CLEC4E: variants seen among roughly 807,000 people sequenced by gnomAD.
The protein encoded by CLEC4E is C-type lectin domain family 4 member E, also known as C-type (calcium dependent, carbohydrate-recognition domain) lectin, superfamily member 9.
CLEC4E carries 21 observed loss-of-function variants against 24.7 expected under a neutral mutation model. The ratio of observed to expected loss-of-function variants is 0.85; its 90% CI spans 0.60 to 1.22. The LOEUF (loss-of-function observed/expected upper bound fraction) is 1.22. Among genes scored for constraint, CLEC4E ranks in the 50% most tolerant of loss-of-function variants. The pLI is 0.00. For missense variants in CLEC4E, 249 were observed against 254.1 expected, an observed-to-expected ratio of 0.98 and a Z score of 0.14; for synonymous variants, 94 against 85.7, an observed-to-expected ratio of 1.10 and a Z score of -0.54.
chr12:8,537,843 T>G (rs1940636115), intron 3 of CLEC4E, among the ~76,000 whole-genome samples: 1 of 152,252 alleles, frequency 6.6e-6, no homozygotes, highest in African/African-American at 2.4e-5. Flanking sequence ...CAATTACTTT[T>G]TATTCCAATA....
chr12:8,536,990 G>C (rs747423657), intron 4 of CLEC4E, 125 bp downstream of exon 4: 3 of 825,352 alleles, frequency 3.6e-6, no homozygotes, highest in Non-Finnish European at 5.2e-6. Context: ...GAAATAGTAA[G>C]AACAGCATGC....
At chr12:8,537,032 G>T in intron 4 of CLEC4E, 83 bp downstream of exon 4, 1 of 1,227,870 alleles carries the variant, frequency 8.1e-7, no homozygotes, top group Non-Finnish European at 1.1e-6. Context: ...ATAGTCATTG[G>T]GGGTCAAGCA....
In CLEC4E at chr12:8,540,609, T is replaced by C. The variant is rs75645557; in HGVS notation, c.37+152A>G. On this transcript the variant is annotated intron_variant, in intron 1 of 5. Coordinates refer to ENST00000299663, the MANE Select transcript of CLEC4E (RefSeq NM_014358.4). ...CCAGCAGGCTTTCTGGTATAAGAAA[T>C]AGTCTTTAAATCTCTCTCTCTCTCT... 4,857 of 753,886 alleles carry C rather than the reference T, an allele frequency of 6.4e-3. 184 individuals carry two copies. The African/African-American group carries it at 0.077, about 12-fold the overall frequency. 46.7% of individuals were successfully genotyped at this position (753,886 alleles called of 1,614,324 possible).
chr12:8,534,953 GA>G, intron 5 of CLEC4E, 144 bp from the exon 6 acceptor site: 1 of 646,982 alleles, frequency 1.5e-6, no homozygotes, highest in Admixed American at 3.4e-5. Context: ...TATTGAAGAA[GA>G]AAAGGAACCT....
rs1940674725 is a variant in CLEC4E, at chr12:8,539,936, A to G, written c.49T>C (p.Phe17Leu). 6.2e-7 allele frequency: 1 copy of G among 1,601,212 alleles called. No individual in the cohort carries two copies. The change falls in exon 2 of 6, where the codon TTC (phenylalanine) becomes CTC (leucine). Residue 17 changes from phenylalanine to leucine, a missense_variant. Phe to Leu is a conservative substitution (Grantham distance 22, BLOSUM62 0). Transcript: ENST00000299663. ...GTCCATAAGAACATTTGGGAAGAGA[A>G]GCATCCTCTCTCTGTAGAAAGAAAG... Reference protein sequence around the residue: ...SETQCTERGCFSSQMFLWTVA... With the variant: ...SETQCTERGCLSSQMFLWTVA...
In CLEC4E at chr12:8,533,537, T is replaced by C. The variant is rs1940573263; in HGVS notation, c.*1101A>G. On this transcript the variant is annotated 3_prime_UTR_variant, in exon 6 of 6. Transcript: ENST00000299663. ...AGCAGCCTTAAAAAAGAAGATTATG[T>C]CTTTTGTGGGAACATCGGTAGAACT... 1 of 152,196 alleles carries C rather than the reference T, an allele frequency of 6.6e-6. No individual in the cohort carries two copies. The highest frequency in any genetic ancestry group is 2.1e-4 in the South Asian group (1 of 4,834). The allele number at this position is 152,196 out of a possible 1,614,324, so 9.4% of individuals were successfully genotyped here. A position where few individuals can be genotyped will look rare whatever the true frequency, so the allele number is the denominator to read the frequency against.
At chr12:8,540,393 T>C (rs1940681955) in intron 1 of CLEC4E, among the ~76,000 whole-genome samples, 1 of 152,156 alleles carries the variant, frequency 6.6e-6, no homozygotes, top group African/African-American at 2.4e-5. Context: ...TCTTTTTTTT[T>C]TTTCTGTGTC....
chr12:8,536,038 G>T, intron 5 of CLEC4E, 52 bp downstream of exon 5: 1 of 994,442 alleles, frequency 1.0e-6, no homozygotes, highest in Non-Finnish European at 1.6e-6. Context: ...CTGATCTATT[G>T]CAGGTAACAG....
At chr12:8,537,487 G>A (rs1197032061) in intron 3 of CLEC4E, among the ~76,000 whole-genome samples, 1 of 152,202 alleles carries the variant, frequency 6.6e-6, no homozygotes, top group Non-Finnish European at 1.5e-5. Context: ...CTGGATGTCA[G>A]TGCCAGGAAA....
intron 3 of CLEC4E, 22 bp from the exon 4 acceptor site, chr12:8,537,288 T>G: frequency 6.2e-7 from 1 of 1,608,894 alleles, no homozygotes; most frequent in Non-Finnish European, 8.5e-7. Flanking sequence ...GATGTTTCAG[T>G]GAGTGTCCCA....
Position 8,536,079 on chromosome 12 carries a change from A to C in CLEC4E, c.488+11T>G, listed in dbSNP as rs757455060. Reference sequence around the variant, plus strand: ...GGTTTCAAGAACTCCTCTCAATAGGAGGGTAATTACCTCAGAGACTTTGTC... The same window carrying C: ...GGTTTCAAGAACTCCTCTCAATAGGCGGGTAATTACCTCAGAGACTTTGTC... On this transcript the variant is annotated intron_variant, in intron 5 of 5. Transcript: ENST00000299663. The C allele has an allele frequency of 1.3e-6, 2 of 1,541,528 alleles. No individual in the cohort carries two copies. The highest frequency in any genetic ancestry group is 3.3e-5 in the Admixed American group (2 of 59,732).
At position 8,537,225 on chromosome 12, in the gene CLEC4E, G is replaced by T. The variant is rs774391906; in HGVS notation, c.262C>A (p.Gln88Lys). 42 of 1,613,666 alleles carry T rather than the reference G, an allele frequency of 2.6e-5. No individual in the cohort carries two copies. Among genetic ancestry groups the T allele is most frequent in the Non-Finnish European group, 3.6e-5 (42 of 1,179,754 alleles). ...GTAGAAAAGAAGTAGCAGCTGGATT[G>T]AAAATATTCCCAGTTCAATGGACAA... is the stretch of plus-strand genomic sequence containing the variant. ...NCCPLNWEYF[Q>K]SSCYFFSTDT... Residue 88 changes from glutamine to lysine, a missense_variant, in exon 4 of 6, where the codon CAA becomes AAA. Physicochemically the swap from Gln to Lys is moderately conservative, Grantham distance 53. Transcript: ENST00000299663.
At position 8,540,823 on chromosome 12, in the gene CLEC4E, TTCTC is replaced by T; in HGVS notation, c.-30_-27del. On this transcript the variant is annotated 5_prime_UTR_variant, in exon 1 of 6. Transcript: ENST00000299663. ...TTTTTCTCTCTCTTTGGTTTTTTGT[TTCTC>T]TCTCTCTCTTTTTCTCTCCCTCCCT... 5.4e-6 allele frequency: 7 copies of T among 1,286,624 alleles called. No homozygotes were observed. Among genetic ancestry groups the T allele is most frequent in the Non-Finnish European group, 7.9e-6 (7 of 891,466 alleles). The allele number at this position is 1,286,624 out of a possible 1,614,324, so 79.7% of individuals were successfully genotyped here. A position where few individuals can be genotyped will look rare whatever the true frequency, so the allele number is the denominator to read the frequency against.
At chr12:8,535,984 A>G in intron 5 of CLEC4E, 106 bp downstream of exon 5, 1 of 622,800 alleles carries the variant, frequency 1.6e-6, no homozygotes, top group South Asian at 1.9e-5. Context: ...TTTCTACCTT[A>G]GCTCTTCTCT....
At chr12:8,540,120 A>G (rs770346937) in intron 1 of CLEC4E, among the ~76,000 whole-genome samples, 173 bp from the exon 2 acceptor site, 1 of 152,260 alleles carries the variant, frequency 6.6e-6, no homozygotes, top group African/African-American at 2.4e-5. Context: ...GGAAACACAG[A>G]TTGCTGACCC....
intron 1 of CLEC4E, among the ~76,000 whole-genome samples, chr12:8,540,512 A>T (rs1940684458): frequency 6.6e-6 from 1 of 152,108 alleles, no homozygotes; most frequent in Admixed American, 6.6e-5. Context: ...CAGAGAAGTG[A>T]AGTGACTTGC....
chr12:8,537,008 T>A, intron 4 of CLEC4E, 107 bp downstream of exon 4: 1 of 972,582 alleles, frequency 1.0e-6, no homozygotes, highest in Non-Finnish European at 1.4e-6. Context: ...TGCATTTTAG[T>A]ACATTCATTA....
rs2136402433 is a variant in CLEC4E at position 8,540,835 on chromosome 12, C to CTCTT, written c.-39_-38insAAGA. The CTCTT allele has an allele frequency of 1.1e-5, 15 of 1,323,400 alleles. No individual in the cohort carries two copies. Among genetic ancestry groups the CTCTT allele is most frequent in the African/African-American group, 1.4e-5 (1 of 69,128 alleles). The allele number at this position is 1,323,400 out of a possible 1,614,324, so 82.0% of individuals were successfully genotyped here. A position where few individuals can be genotyped will look rare whatever the true frequency, so the allele number is the denominator to read the frequency against. Reference sequence around the variant, plus strand: ...TTTGGTTTTTTGTTTCTCTCTCTCTCTTTTTCTCTCCCTCCCTCTCTTTCT... The same window carrying CTCTT: ...TTTGGTTTTTTGTTTCTCTCTCTCTCTCTTTTTTTCTCTCCCTCCCTCTCTTTCT... On this transcript the variant is annotated 5_prime_UTR_variant, in exon 1 of 6. Transcript: ENST00000299663.
In CLEC4E at chr12:8,540,821, GTTT is replaced by G; in HGVS notation, c.-27_-25del. On this transcript the variant is annotated 5_prime_UTR_variant, in exon 1 of 6. Coordinates refer to ENST00000299663, the MANE Select transcript of CLEC4E (RefSeq NM_014358.4). ...ATTTTTTCTCTCTCTTTGGTTTTTT[GTTT>G]CTCTCTCTCTCTTTTTCTCTCCCTC... 3 of 1,467,796 alleles carry G rather than the reference GTTT, an allele frequency of 2.0e-6. No homozygotes were observed. Among genetic ancestry groups the G allele is most frequent in the Non-Finnish European group, 2.8e-6 (3 of 1,068,344 alleles). The allele number at this position is 1,467,796 out of a possible 1,614,324, so 90.9% of individuals were successfully genotyped here.
Sources: allele counts gnomAD v4.1 joint callset (sites outside exome capture counted in the v4.1 genomes callset), GRCh38; gene constraint gnomAD v4.1.1; transcripts MANE v1.5; gene names NCBI Gene and HGNC (gene_info 2026-07-23, HGNC 2026-07-21).